Variants in FAM222A observed in about 807,000 individuals in gnomAD.
The protein encoded by FAM222A is protein FAM222A.
A neutral mutation model predicts 25.8 loss-of-function variants in FAM222A; 7 were observed. The observed-to-expected ratio is 0.27, with a 90% CI of 0.15 to 0.51. The LOEUF (loss-of-function observed/expected upper bound fraction) is 0.51. Ranked by LOEUF, FAM222A falls within the 20% of genes least tolerant of loss-of-function variation. The probability of loss-of-function intolerance (pLI) is 0.97; values close to 1 mark genes in which losing one functional copy is unlikely to be tolerated. For missense variants in FAM222A, 573 were observed against 640.5 expected (o/e 0.89, Z 1.14); for synonymous variants, 294 against 298.8 (o/e 0.98, Z 0.17).
intron 1 of FAM222A, among the ~76,000 whole-genome samples, chr12:109,731,145 G>A (rs1347949967): frequency 6.6e-6 from 1 of 152,122 alleles, no homozygotes; most frequent in Non-Finnish European, 1.5e-5. Flanking sequence ...CTTAGCTGAG[G>A]TGCTGTTTCG....
At chr12:109,742,523 C>T (rs886460283) in intron 1 of FAM222A, among the ~76,000 whole-genome samples, 1 of 151,916 alleles carries the variant, frequency 6.6e-6, no homozygotes, top group Admixed American at 6.6e-5. Context: ...GCTTTTATTG[C>T]GTCTCTGTGT....
chr12:109,734,728 CAG>C (rs980345101), intron 1 of FAM222A: 8 of 152,166 alleles, frequency 5.3e-5, no homozygotes, highest in East Asian at 1.9e-4. Flanking sequence ...TAGGCTATGA[CAG>C]GGGGAGGGGG....
intron 2 of FAM222A, among the ~76,000 whole-genome samples, chr12:109,755,830 A>G (rs1592795330): frequency 6.6e-6 from 1 of 152,242 alleles, no homozygotes; most frequent in Non-Finnish European, 1.5e-5. Context: ...ATTGACCTGC[A>G]TGTCCATCTT....
Position 109,769,296 on chromosome 12 carries a change from CCTG to C in FAM222A, c.*10_*12del, listed in dbSNP as rs753250796. ...CTACCCGTCTACAGATAAGGCCTGC[CCTG>C]CGGACATACGGACATGCGGACAGGG... is the stretch of plus-strand genomic sequence containing the variant. On this transcript the variant is annotated 3_prime_UTR_variant, in exon 3 of 3. Transcript: ENST00000538780. 2.5e-6 allele frequency: 4 copies of C among 1,603,136 alleles called. No individual in the cohort carries two copies. In the East Asian group the frequency reaches 9.0e-5, roughly 36 times the overall value.
chr12:109,720,245 CAG>C (rs1887723225), intron 1 of FAM222A: 6 of 952,660 alleles, frequency 6.3e-6, no homozygotes, highest in Non-Finnish European at 7.5e-6. Context: ...CCTGGGAGGT[CAG>C]GGGGTGAGGC....
At chr12:109,757,080 G>A (rs937277968) in intron 2 of FAM222A, among the ~76,000 whole-genome samples, 3 of 152,264 alleles carry the variant, frequency 2.0e-5, no homozygotes, top group Middle Eastern at 6.8e-3. Flanking sequence ...GTCTTTCTAG[G>A]AATTTGTCCA....
At chr12:109,762,508 TC>T (rs1888928125) in intron 2 of FAM222A, among the ~76,000 whole-genome samples, 1 of 152,010 alleles carries the variant, frequency 6.6e-6, no homozygotes, top group Non-Finnish European at 1.5e-5. Flanking sequence ...GCAGGCCCCC[TC>T]CCCACCATCC....
Position 109,744,087 on chromosome 12 carries a change from T to C in FAM222A, c.-46-14T>C. 6.3e-7 allele frequency: 1 copy of C among 1,585,250 alleles called. No individual in the cohort carries two copies. The highest frequency in any genetic ancestry group is 8.6e-7 in the Non-Finnish European group (1 of 1,166,702). ...AGCCCCCAAGTGACAGAGCACCCCA[T>C]CTTCCTCCTGCAGGGACCCAGTCGC... is the stretch of plus-strand genomic sequence containing the variant. On this transcript the variant is annotated splice_polypyrimidine_tract_variant and intron_variant, in intron 1 of 2. Transcript: ENST00000538780.
chr12:109,730,975 A>C (rs1887937232), intron 1 of FAM222A, among the ~76,000 whole-genome samples: 1 of 152,012 alleles, frequency 6.6e-6, no homozygotes, highest in Non-Finnish European at 1.5e-5. Flanking sequence ...TGTGTTCATC[A>C]CCGGCTTCAT....
At chr12:109,754,003 A>G (rs957393079) in intron 2 of FAM222A, among the ~76,000 whole-genome samples, 2 of 152,238 alleles carry the variant, frequency 1.3e-5, no homozygotes, top group African/African-American at 4.8e-5. Context: ...ATGAAGGGCC[A>G]GGAGCAGGCC....
At position 109,769,379 on chromosome 12, in the gene FAM222A, A is replaced by G; in HGVS notation, c.*91A>G. 7.1e-7 allele frequency: 1 copy of G among 1,413,638 alleles called. No individual in the cohort carries two copies. Among genetic ancestry groups the G allele is most frequent in the Non-Finnish European group, 9.4e-7 (1 of 1,061,584 alleles). 87.6% of individuals were successfully genotyped at this position (1,413,638 alleles called of 1,614,324 possible). ...GGGTGGGCGGCTCGCAGGGGCGCTCAGCCCCACCCTGTGCCTGCTGATGCC... is the reference window on the plus strand; with the variant it reads ...GGGTGGGCGGCTCGCAGGGGCGCTCGGCCCCACCCTGTGCCTGCTGATGCC... On this transcript the variant is annotated 3_prime_UTR_variant, in exon 3 of 3. Coordinates refer to ENST00000538780, the MANE Select transcript of FAM222A (RefSeq NM_032829.3).
intron 2 of FAM222A, among the ~76,000 whole-genome samples, chr12:109,747,642 C>T (rs887433955): frequency 6.6e-6 from 1 of 151,994 alleles, no homozygotes; most frequent in Non-Finnish European, 1.5e-5. Context: ...TCATGTCTCT[C>T]GGGAATGTTT....
At position 109,768,809 on chromosome 12, in the gene FAM222A, C is replaced by A; in HGVS notation, c.880C>A (p.Pro294Thr). Residue 294 changes from proline (P) to threonine (T), a missense_variant, in exon 3 of 3, where the codon CCA (proline) becomes ACA (threonine). This residue lies in a region of FAM222A where 412 missense variants were observed against 407.0 expected (regional missense o/e 1.01). Coordinates refer to ENST00000538780, the MANE Select transcript of FAM222A (RefSeq NM_032829.3). ...DYLLWPQKPP[P>T]PPPQPLRAYS... ...CCTGCTGTGGCCGCAGAAACCGCCC[C>A]CACCGCCGCCCCAGCCACTGCGTGC... 6.4e-7 allele frequency: 1 copy of A among 1,572,998 alleles called. No homozygotes were observed. The highest frequency in any genetic ancestry group is 2.3e-5 in the East Asian group (1 of 43,200).
chr12:109,730,092 T>G (rs528570324), intron 1 of FAM222A, among the ~76,000 whole-genome samples: 1 of 152,260 alleles, frequency 6.6e-6, no homozygotes, highest in African/African-American at 2.4e-5. Flanking sequence ...AGGTCCCTCC[T>G]AACCCCTGTG....
intron 2 of FAM222A, among the ~76,000 whole-genome samples, chr12:109,748,600 G>C (rs1043965164): frequency 6.6e-6 from 1 of 151,692 alleles, no homozygotes. Context: ...GAATGACTTC[G>C]GTAAATTATG....
At chr12:109,767,682 C>G (rs1193033980) in intron 2 of FAM222A, among the ~76,000 whole-genome samples, 1 of 152,112 alleles carries the variant, frequency 6.6e-6, no homozygotes, top group Admixed American at 6.5e-5. Flanking sequence ...ACAAACCAGG[C>G]ACAACCAGTC....
chr12:109,726,994 C>G (rs941485838), intron 1 of FAM222A, among the ~76,000 whole-genome samples: 2 of 152,184 alleles, frequency 1.3e-5, no homozygotes, highest in African/African-American at 4.8e-5. Flanking sequence ...CCAAGCTGAC[C>G]CAAGGTGGCC....
intron 2 of FAM222A, among the ~76,000 whole-genome samples, chr12:109,748,889 C>T (rs1888480359): frequency 6.6e-6 from 1 of 151,862 alleles, no homozygotes; most frequent in South Asian, 2.1e-4. Context: ...TAAAACCTTC[C>T]TTCTGCTTTT....
intron 1 of FAM222A, among the ~76,000 whole-genome samples, chr12:109,739,559 G>A (rs995469387): frequency 9.2e-5 from 14 of 152,132 alleles, no homozygotes; most frequent in African/African-American, 2.9e-4. Flanking sequence ...AATGTTTATG[G>A]GATGAATAAG....
Sources: gnomAD v4.1 joint callset for allele counts (sites outside exome capture counted in the v4.1 genomes callset) on GRCh38, gnomAD v4.1.1 for gene constraint, gnomAD v4.1.1 regional missense constraint, MANE v1.5 for transcripts, NCBI Gene and HGNC (gene_info 2026-07-23, HGNC 2026-07-21) for gene names.